ST6GAL2: variants seen among roughly 807,000 people sequenced by gnomAD.
The protein encoded by ST6GAL2 is beta-galactoside alpha-2,6-sialyltransferase 2.
Under a neutral mutation model 37.5 loss-of-function variants are expected in ST6GAL2, and 24 were observed. The observed-to-expected ratio is 0.64, with a 90% confidence interval of 0.46 to 0.90. The LOEUF is 0.90. ST6GAL2 is among the 40% of genes least tolerant of loss of function. The probability of loss-of-function intolerance (pLI) is 0.00; values close to 1 mark genes in which losing one functional copy is unlikely to be tolerated. For synonymous variants in ST6GAL2, 306 were observed against 295.1 expected, an observed-to-expected ratio of 1.04 and a Z score of -0.38; for missense variants, 715 against 712.7, an observed-to-expected ratio of 1.00 and a Z score of -0.04.
intron 1 of ST6GAL2, among the ~76,000 whole-genome samples, chr2:106,877,380 T>C (rs1233175375): frequency 6.6e-6 from 1 of 152,232 alleles, no homozygotes; most frequent in African/African-American, 2.4e-5. Flanking sequence ...TACATATACA[T>C]GTATATACAC....
At chr2:106,810,635 A>G (rs1238892513) in intron 5 of ST6GAL2, among the ~76,000 whole-genome samples, 2 of 152,226 alleles carry the variant, frequency 1.3e-5, no homozygotes, top group African/African-American at 2.4e-5. Context: ...TTCCAAAAAA[A>G]AGGAAAAAAA....
chr2:106,853,504 G>C (rs1343351404), intron 1 of ST6GAL2, among the ~76,000 whole-genome samples: 1 of 152,192 alleles, frequency 6.6e-6, no homozygotes, highest in Admixed American at 6.5e-5. Flanking sequence ...TCAAGCAAGA[G>C]GAGGTCCAGA....
At chr2:106,807,013 G>A in intron 5 of ST6GAL2, 64 bp from the exon 6 acceptor site, 1 of 1,429,670 alleles carries the variant, frequency 7.0e-7, no homozygotes, top group Non-Finnish European at 9.5e-7. Flanking sequence ...TGAGTTTTTT[G>A]GGGGAGGGGT....
intron 5 of ST6GAL2, among the ~76,000 whole-genome samples, chr2:106,817,773 G>A (rs902768250): frequency 2.0e-5 from 3 of 152,216 alleles, no homozygotes; most frequent in African/African-American, 4.8e-5. Context: ...GGCTCCTGGG[G>A]TGCCAGATTC....
intron 3 of ST6GAL2, 68 bp from the exon 4 acceptor site, chr2:106,832,734 G>C: frequency 9.6e-7 from 1 of 1,038,488 alleles, no homozygotes; most frequent in Non-Finnish European, 1.5e-6. Context: ...TTTAAAAAGA[G>C]GTGAAAATTA....
chr2:106,812,211 C>T (rs1044805576), intron 5 of ST6GAL2, among the ~76,000 whole-genome samples: 2 of 152,284 alleles, frequency 1.3e-5, no homozygotes, highest in Non-Finnish European at 2.9e-5. Flanking sequence ...AAGAAGGCTC[C>T]GTCTCTGAAT....
At chr2:106,814,736 G>T (rs1164250454) in intron 5 of ST6GAL2, among the ~76,000 whole-genome samples, 1 of 152,160 alleles carries the variant, frequency 6.6e-6, no homozygotes, top group Non-Finnish European at 1.5e-5. Flanking sequence ...GAAGACCCCA[G>T]GTGAGATCAC....
intron 1 of ST6GAL2, among the ~76,000 whole-genome samples, chr2:106,858,946 AAAG>A (rs746147764): frequency 4.6e-5 from 7 of 152,278 alleles, no homozygotes; most frequent in Non-Finnish European, 4.4e-5. Context: ...CTGCACAACT[AAAG>A]AAGAAGGTGT....
Position 106,843,753 on chromosome 2 carries a change from G to T in ST6GAL2, c.225C>A (p.Asp75Glu). The T allele has an allele frequency of 4.3e-6, 7 of 1,610,542 alleles. No individual in the cohort carries two copies. Among genetic ancestry groups the T allele is most frequent in the Non-Finnish European group, 5.9e-6 (7 of 1,178,366 alleles). The change falls in exon 2 of 6, where the codon GAC becomes GAA. Residue 75 changes from aspartate to glutamate, a missense_variant. Coordinates refer to ENST00000409382, the MANE Select transcript of ST6GAL2 (RefSeq NM_001142351.2). ...GGGCGCGGGGCAGCGCCTGGCGTGCGTCCAGGCCCCCAGGCGGGGAGGGCT... is the reference window on the plus strand; with the variant it reads ...GGGCGCGGGGCAGCGCCTGGCGTGCTTCCAGGCCCCCAGGCGGGGAGGGCT... ...AHEPSPPGGL[D>E]ARQALPRAHP...
chr2:106,840,794 G>T (rs1254172946), intron 2 of ST6GAL2, among the ~76,000 whole-genome samples: 1 of 152,106 alleles, frequency 6.6e-6, no homozygotes, highest in Non-Finnish European at 1.5e-5. Context: ...AAAGAACGAG[G>T]GACTGCCCAC....
At chr2:106,882,736 A>G (rs1441239071) in intron 1 of ST6GAL2, among the ~76,000 whole-genome samples, 1 of 152,140 alleles carries the variant, frequency 6.6e-6, no homozygotes, top group Non-Finnish European at 1.5e-5. Context: ...TTTGCTCTCT[A>G]AGAAAGTCCA....
At chr2:106,852,214 C>T (rs979729199) in intron 1 of ST6GAL2, among the ~76,000 whole-genome samples, 7 of 152,308 alleles carry the variant, frequency 4.6e-5, no homozygotes, top group South Asian at 2.1e-4. Context: ...CCTGTGGTAG[C>T]GGGAGGACAT....
intron 1 of ST6GAL2, among the ~76,000 whole-genome samples, chr2:106,862,383 A>G (rs1381959606): frequency 6.6e-6 from 1 of 152,256 alleles, no homozygotes. Flanking sequence ...TTGCTTTTCG[A>G]GAAAGGAAAA....
intron 4 of ST6GAL2, 46 bp from the exon 5 acceptor site, chr2:106,830,286 A>G (rs2104467024): frequency 6.5e-7 from 1 of 1,533,428 alleles, no homozygotes; most frequent in Non-Finnish European, 8.9e-7. Context: ...GAACTAAACT[A>G]TGAAAGGAGA....
Position 106,806,544 on chromosome 2 carries a change from T to G in ST6GAL2, c.*134A>C. 1 of 987,510 alleles carries G rather than the reference T, an allele frequency of 1.0e-6. No individual in the cohort carries two copies. The highest frequency in any genetic ancestry group is 1.6e-5 in the African/African-American group (1 of 62,270). The allele number at this position is 987,510 out of a possible 1,614,324, so 61.2% of individuals were successfully genotyped here. ...ACTCAATGGCTTAGAAAGAGAAGGA[T>G]TATCATGACCACCACTAAATTACTG... is the stretch of plus-strand genomic sequence containing the variant. On this transcript the variant is annotated 3_prime_UTR_variant, in exon 6 of 6. Transcript: ENST00000409382.
chr2:106,868,809 A>G (rs1488558614), intron 1 of ST6GAL2, among the ~76,000 whole-genome samples: 1 of 152,172 alleles, frequency 6.6e-6, no homozygotes, highest in African/African-American at 2.4e-5. Flanking sequence ...TTGTGCCCCC[A>G]CATGTGTGAA....
At chr2:106,821,752 A>T (rs1443895947) in intron 5 of ST6GAL2, among the ~76,000 whole-genome samples, 3 of 152,138 alleles carry the variant, frequency 2.0e-5, no homozygotes, top group Admixed American at 6.5e-5. Context: ...TATTGATTTT[A>T]AAAAATCCTC....
intron 1 of ST6GAL2, among the ~76,000 whole-genome samples, chr2:106,874,172 C>T (rs1678399648): frequency 6.6e-6 from 1 of 152,138 alleles, no homozygotes; most frequent in Non-Finnish European, 1.5e-5. Flanking sequence ...GGAGCAAAGT[C>T]AATTATAACA....
At chr2:106,836,379 ACT>A (rs1038598647) in intron 2 of ST6GAL2, among the ~76,000 whole-genome samples, 6 of 152,176 alleles carry the variant, frequency 3.9e-5, no homozygotes, top group African/African-American at 1.4e-4. Context: ...ACCTAACAAG[ACT>A]CTACGAGGGC....
Sources: allele counts gnomAD v4.1 joint callset (sites outside exome capture counted in the v4.1 genomes callset), GRCh38; gene constraint gnomAD v4.1.1; transcripts MANE v1.5; gene names NCBI Gene and HGNC (gene_info 2026-07-23, HGNC 2026-07-21).